The following GPC5 variants were observed in gnomAD, a reference collection of about 807,000 sequenced individuals.
The protein encoded by GPC5 is glypican 5, also known as glypican-5.
A neutral mutation model predicts 53.9 loss-of-function variants in GPC5; 47 were observed. That is an observed-to-expected ratio of 0.87 (90% CI 0.69 to 1.11). The LOEUF (loss-of-function observed/expected upper bound fraction) is 1.11, where lower values mean the gene tolerates loss of function less well. Among genes scored for constraint, GPC5 ranks in the 50% most tolerant of loss-of-function variants. The probability of loss-of-function intolerance (pLI) is 0.00; values close to 1 mark genes in which losing one functional copy is unlikely to be tolerated. For missense variants in GPC5, 748 were observed against 713.1 expected, an observed-to-expected ratio of 1.05 and a Z score of -0.56; for synonymous variants, 286 against 263.3, an observed-to-expected ratio of 1.09 and a Z score of -0.84.
intron 5 of GPC5, among the ~76,000 whole-genome samples, chr13:91,897,891 G>A (rs964118744): frequency 6.6e-6 from 1 of 152,020 alleles, no homozygotes; most frequent in Non-Finnish European, 1.5e-5. Flanking sequence ...TCTGCTTTGT[G>A]ATTTACCTCA....
chr13:91,565,500 G>T (rs561333122), intron 2 of GPC5, among the ~76,000 whole-genome samples: 1 of 152,186 alleles, frequency 6.6e-6, no homozygotes, highest in Admixed American at 6.6e-5. Context: ...CAGTAAATAA[G>T]TAAGGGAGCA....
chr13:92,470,121 G>A (rs755885291), intron 7 of GPC5, among the ~76,000 whole-genome samples: 31 of 152,038 alleles, frequency 2.0e-4, no homozygotes, highest in Non-Finnish European at 2.2e-4. Context: ...CAGCTTGTTC[G>A]TGTTTTACTC....
chr13:91,433,849 C>T (rs1442905241), intron 1 of GPC5, among the ~76,000 whole-genome samples: 1 of 151,908 alleles, frequency 6.6e-6, no homozygotes, highest in African/African-American at 2.4e-5. Context: ...TCTCCACATC[C>T]TCTCCAGCAC....
In GPC5 at chr13:92,651,508, A is replaced by C. The variant is rs138434555; in HGVS notation, c.1562-214774A>C. On this transcript the variant is annotated intron_variant, in intron 7 of 7. Transcript: ENST00000377067. ...TCTCAGAACTATCACGGTCATCAATAATGTGAAGATCTGCAAAAGTGTCAC... is the reference window on the plus strand; with the variant it reads ...TCTCAGAACTATCACGGTCATCAATCATGTGAAGATCTGCAAAAGTGTCAC... Among the ~76,000 whole-genome samples, 1,314 of 152,236 alleles carry C rather than the reference A, an allele frequency of 8.6e-3. 22 individuals carry two copies. Among genetic ancestry groups the C allele is most frequent in the African/African-American group, 0.03 (1,245 of 41,552 alleles).
intron 7 of GPC5, among the ~76,000 whole-genome samples, chr13:92,640,494 T>C (rs1166066522): frequency 6.6e-6 from 1 of 152,120 alleles, no homozygotes; most frequent in Non-Finnish European, 1.5e-5. Context: ...TCTCCTGACC[T>C]CGTGATCCAC....
At chr13:92,460,406 A>G (rs1878430773) in intron 7 of GPC5, among the ~76,000 whole-genome samples, 2 of 152,186 alleles carry the variant, frequency 1.3e-5, no homozygotes, top group East Asian at 1.9e-4. Flanking sequence ...CTCTATCAGC[A>G]ACTTCCTTCC....
chr13:92,865,350 T>C (rs1879305531), intron 7 of GPC5, among the ~76,000 whole-genome samples: 1 of 152,194 alleles, frequency 6.6e-6, no homozygotes, highest in Non-Finnish European at 1.5e-5. Flanking sequence ...TGTATGTGTG[T>C]ATGGAAGATA....
chr13:92,341,504 C>T (rs1009470294), intron 7 of GPC5, among the ~76,000 whole-genome samples: 8 of 151,528 alleles, frequency 5.3e-5, no homozygotes, highest in African/African-American at 1.9e-4. Flanking sequence ...CAAAGTAATG[C>T]TATAAGAGTT....
At chr13:92,420,304 A>G (rs184661028) in intron 7 of GPC5, among the ~76,000 whole-genome samples, 12 of 152,274 alleles carry the variant, frequency 7.9e-5, no homozygotes, top group East Asian at 1.9e-4. Context: ...GTATTCTTCT[A>G]AGAGAATTTC....
At chr13:91,415,746 T>TA (rs1878169204) in intron 1 of GPC5, among the ~76,000 whole-genome samples, 1 of 8,946 alleles carries the variant, frequency 1.1e-4, no homozygotes, top group Non-Finnish European at 3.0e-4. Flanking sequence ...TTTGCGGGGG[T>TA]GGGGGGGGTG....
intron 7 of GPC5, among the ~76,000 whole-genome samples, chr13:92,720,192 A>T (rs1440796598): frequency 6.6e-6 from 1 of 152,160 alleles, no homozygotes; most frequent in Admixed American, 6.6e-5. Context: ...CTGAATACTT[A>T]ACATAAGTCA....
chr13:91,756,856 T>C (rs983881112), intron 5 of GPC5, among the ~76,000 whole-genome samples: 6 of 151,122 alleles, frequency 4.0e-5, no homozygotes, highest in Non-Finnish European at 7.4e-5. Flanking sequence ...AATGTGTCCA[T>C]CCTACAATGG....
chr13:91,887,207 A>C (rs1185446330), intron 5 of GPC5, among the ~76,000 whole-genome samples: 1 of 152,112 alleles, frequency 6.6e-6, no homozygotes, highest in African/African-American at 2.4e-5. Context: ...CCAAGGCTTG[A>C]GGCTTTCAAC....
At chr13:91,712,304 G>A (rs1275261032) in intron 3 of GPC5, among the ~76,000 whole-genome samples, 1 of 151,796 alleles carries the variant, frequency 6.6e-6, no homozygotes, top group Non-Finnish European at 1.5e-5. Context: ...TTTAATGTGT[G>A]TGTGTGTGTA....
intron 7 of GPC5, among the ~76,000 whole-genome samples, chr13:92,706,380 G>A (rs1324784221): frequency 6.6e-6 from 1 of 151,502 alleles, no homozygotes; most frequent in Non-Finnish European, 1.5e-5. Flanking sequence ...AAAATATATT[G>A]GTCTGATCAT....
intron 6 of GPC5, among the ~76,000 whole-genome samples, chr13:91,915,129 G>A (rs2039646129): frequency 6.6e-6 from 1 of 152,148 alleles, no homozygotes; most frequent in South Asian, 2.1e-4. Context: ...TAATATTCCA[G>A]AGAAACGAAC....
intron 7 of GPC5, among the ~76,000 whole-genome samples, chr13:92,812,949 C>T (rs1877346634): frequency 6.6e-6 from 1 of 151,850 alleles, no homozygotes; most frequent in African/African-American, 2.4e-5. Context: ...TTTAGATTTT[C>T]CTCATCAGTC....
rs552471809 is a variant in GPC5 at position 92,744,021 on chromosome 13, G to A, written c.1562-122261G>A. ...GTGCAGTGAGTAAAATGGTGGCAGC[G>A]GTGGAGTGGCAGGGAGGATCCAAAG... On this transcript the variant is annotated intron_variant, in intron 7 of 7. Coordinates refer to ENST00000377067, the MANE Select transcript of GPC5 (RefSeq NM_004466.6). Among the ~76,000 whole-genome samples the A allele has an allele frequency of 1.3e-3, 198 of 152,146 alleles. 5 individuals carry two copies. The highest frequency in any genetic ancestry group is 3.4e-3 in the Middle Eastern group (1 of 294).
intron 2 of GPC5, among the ~76,000 whole-genome samples, chr13:91,691,570 CAG>C (rs1423361463): frequency 6.6e-6 from 1 of 152,156 alleles, no homozygotes; most frequent in African/African-American, 2.4e-5. Context: ...TCTATTGAAA[CAG>C]AATTGCAATT....
Sources: allele counts gnomAD v4.1 joint callset (sites outside exome capture counted in the v4.1 genomes callset), GRCh38; gene constraint gnomAD v4.1.1; transcripts MANE v1.5; gene names NCBI Gene and HGNC (gene_info 2026-07-23, HGNC 2026-07-21).